Variants in EXT2 observed in about 807,000 individuals in gnomAD.
The protein encoded by EXT2 is exostosin-2.
Under a neutral mutation model 81.6 loss-of-function variants are expected in EXT2, and 53 were observed. The ratio of observed to expected loss-of-function variants is 0.65; its 90% CI spans 0.52 to 0.82. The LOEUF (loss-of-function observed/expected upper bound fraction) is 0.82, where lower values mean the gene tolerates loss of function less well. Ranked by LOEUF, EXT2 falls within the 40% of genes least tolerant of loss-of-function variation. EXT2 has a pLI of 0.00. For missense variants in EXT2, 774 were observed against 910.2 expected (o/e 0.85, Z 1.93); for synonymous variants, 320 against 340.0 (o/e 0.94, Z 0.65).
At chr11:44,177,120 C>T (rs1955169291) in intron 8 of EXT2, among the ~76,000 whole-genome samples, 1 of 152,122 alleles carries the variant, frequency 6.6e-6, no homozygotes, top group Admixed American at 6.5e-5. Context: ...TAAAGTAATA[C>T]ACCTGTCTAA....
intron 10 of EXT2, among the ~76,000 whole-genome samples, chr11:44,208,213 C>T (rs1352487554): frequency 8.2e-5 from 12 of 146,508 alleles, no homozygotes; most frequent in African/African-American, 2.5e-4. Context: ...TTTTTTTTTG[C>T]GAGTGATTTC....
At chr11:44,232,124 C>G (rs541451604) in intron 10 of EXT2, among the ~76,000 whole-genome samples, 9 of 152,194 alleles carry the variant, frequency 5.9e-5, no homozygotes, top group African/African-American at 2.2e-4. Context: ...ATTGAAATTC[C>G]CAAGCATATA....
At chr11:44,206,570 G>A (rs1955584947) in intron 9 of EXT2, among the ~76,000 whole-genome samples, 1 of 152,178 alleles carries the variant, frequency 6.6e-6, no homozygotes, top group East Asian at 1.9e-4. Context: ...TATATAGTAT[G>A]TGTGTATATA....
chr11:44,184,969 A>G (rs2135156556), intron 8 of EXT2, among the ~76,000 whole-genome samples: 1 of 152,342 alleles, frequency 6.6e-6, no homozygotes, highest in East Asian at 1.9e-4. Flanking sequence ...ACAATAAGCA[A>G]ACATAAATTG....
Position 44,113,727 on chromosome 11 carries a change from C to T in EXT2, c.627-458C>T, listed in dbSNP as rs138666642. On this transcript the variant is annotated intron_variant, in intron 3 of 13. Coordinates refer to ENST00000533608, the MANE Select transcript of EXT2 (RefSeq NM_207122.2). ...GGTGTAAGCGATGTGAAATGTGATA[C>T]TTTCTGGCCACCACTGCTTTCCAGG... Among the ~76,000 whole-genome samples the T allele has an allele frequency of 4.2e-4, 64 of 152,290 alleles. 2 individuals are homozygous for T. In the East Asian group the frequency reaches 0.01, roughly 25 times the overall value.
intron 10 of EXT2, among the ~76,000 whole-genome samples, chr11:44,215,555 C>T (rs931915422): frequency 6.6e-5 from 10 of 152,072 alleles, no homozygotes; most frequent in South Asian, 4.1e-4. Context: ...AAAAAGAGGG[C>T]GCATATGCAC....
intron 8 of EXT2, among the ~76,000 whole-genome samples, chr11:44,178,800 TAA>T (rs5791612): frequency 0.028 from 4,240 of 150,676 alleles, 83 homozygotes; most frequent in African/African-American, 0.053. Flanking sequence ...TAGATATGAT[TAA>T]AAAAAAAAAA....
At chr11:44,099,467 G>A (rs1364063210) in intron 1 of EXT2, among the ~76,000 whole-genome samples, 1 of 152,122 alleles carries the variant, frequency 6.6e-6, no homozygotes, top group Non-Finnish European at 1.5e-5. Flanking sequence ...TTACAGGTGT[G>A]AGCCACTGTG....
In EXT2 at chr11:44,197,909, C is replaced by G; in HGVS notation, c.1386C>G (p.Thr462=). The G allele has an allele frequency of 6.2e-7, 1 of 1,614,114 alleles. No homozygotes were observed. Among genetic ancestry groups the G allele is most frequent in the African/African-American group, 1.3e-5 (1 of 75,036 alleles). Reference sequence around the variant, plus strand: ...AAGGGTTCACCGCCATAGTCCTCACCTACGACCGAGTAGAGAGCCTCTTCC... The same window carrying G: ...AAGGGTTCACCGCCATAGTCCTCACGTACGACCGAGTAGAGAGCCTCTTCC... ...QSQGFTAIVL[T]YDRVESLFRV... The change falls in exon 9 of 14, where the codon ACC becomes ACG. Residue 462 remains threonine, a synonymous_variant. Transcript: ENST00000533608.
chr11:44,119,262 T>G (rs1350007425), intron 4 of EXT2, among the ~76,000 whole-genome samples: 1 of 150,552 alleles, frequency 6.6e-6, no homozygotes, highest in Non-Finnish European at 1.5e-5. Context: ...GTTACTATGA[T>G]TTGCCAGGAG....
chr11:44,098,469 G>C (rs1953932269), intron 1 of EXT2, among the ~76,000 whole-genome samples: 1 of 151,970 alleles, frequency 6.6e-6, no homozygotes, highest in African/African-American at 2.4e-5. Flanking sequence ...GAGGTAGGTG[G>C]ATTACCTGAG....
intron 4 of EXT2, among the ~76,000 whole-genome samples, chr11:44,122,522 C>A (rs1267852787): frequency 6.6e-6 from 1 of 152,190 alleles, no homozygotes; most frequent in African/African-American, 2.4e-5. Context: ...ATGATTGAGG[C>A]TCAAGGCTTG....
At chr11:44,144,156 A>T in intron 7 of EXT2, 1 of 1,092,986 alleles carries the variant, frequency 9.1e-7, no homozygotes, top group East Asian at 2.4e-5. Flanking sequence ...CCCCAGGCAG[A>T]TTCCTTTATA....
At chr11:44,110,879 C>A (rs1954132973) in intron 3 of EXT2, among the ~76,000 whole-genome samples, 1 of 152,146 alleles carries the variant, frequency 6.6e-6, no homozygotes, top group Admixed American at 6.5e-5. Context: ...AATGAATCAC[C>A]ATCTAGTCCT....
chr11:44,106,608 TTGAA>T (rs1954058448), intron 1 of EXT2, among the ~76,000 whole-genome samples: 1 of 152,186 alleles, frequency 6.6e-6, no homozygotes, highest in Non-Finnish European at 1.5e-5. Context: ...CAATAATGGT[TTGAA>T]TGAATAAGTG....
rs1366954838 is a variant in EXT2 at position 44,246,857 on chromosome 11, A to G, written c.*2570A>G. Among the ~76,000 whole-genome samples, 4 of 152,242 alleles carry G rather than the reference A, an allele frequency of 2.6e-5. No individual in the cohort carries two copies. Reference sequence around the variant, plus strand: ...CATAGAGCCTGGTTTCAGAAGCAGAACAATCATGCTAATTAAAATGTCGTG... The same window carrying G: ...CATAGAGCCTGGTTTCAGAAGCAGAGCAATCATGCTAATTAAAATGTCGTG... On this transcript the variant is annotated 3_prime_UTR_variant, in exon 14 of 14. Coordinates refer to ENST00000533608, the MANE Select transcript of EXT2 (RefSeq NM_207122.2).
At chr11:44,189,698 TG>T (rs1955366379) in intron 8 of EXT2, among the ~76,000 whole-genome samples, 1 of 152,116 alleles carries the variant, frequency 6.6e-6, no homozygotes, top group South Asian at 2.1e-4. Context: ...CCTCCAACAT[TG>T]GGGATTACAA....
chr11:44,167,082 T>C (rs1291475151), intron 7 of EXT2, among the ~76,000 whole-genome samples: 2 of 152,200 alleles, frequency 1.3e-5, no homozygotes, highest in Non-Finnish European at 2.9e-5. Context: ...TCTCTGACGG[T>C]ACTTGCCAAT....
chr11:44,165,720 G>T (rs1384893224), intron 7 of EXT2, among the ~76,000 whole-genome samples: 1 of 152,210 alleles, frequency 6.6e-6, no homozygotes, highest in Non-Finnish European at 1.5e-5. Context: ...AAGAATATAT[G>T]ATGATAGACC....
Sources: allele counts gnomAD v4.1 joint callset (sites outside exome capture counted in the v4.1 genomes callset), GRCh38; gene constraint gnomAD v4.1.1; transcripts MANE v1.5; gene names NCBI Gene and HGNC (gene_info 2026-07-23, HGNC 2026-07-21).